The following C11orf65 variants were observed in gnomAD, a reference collection of about 807,000 sequenced individuals.
C11orf65 encodes chromosome 11 open reading frame 65, also known as protein MFI.
A neutral mutation model predicts 35.3 loss-of-function variants in C11orf65; 38 were observed. That is an observed-to-expected ratio of 1.08 (90% CI 0.83 to 1.41). The LOEUF is 1.41. Ranked by LOEUF, C11orf65 falls within the 40% of genes most tolerant of loss-of-function variation. C11orf65 has a pLI of 0.00. For synonymous variants in C11orf65, 105 were observed against 114.4 expected, an observed-to-expected ratio of 0.92 and a Z score of 0.53; for missense variants, 370 against 367.1, an observed-to-expected ratio of 1.01 and a Z score of -0.06.
intron 6 of C11orf65, among the ~76,000 whole-genome samples, chr11:108,320,764 C>T (rs1394621583): frequency 1.3e-5 from 2 of 152,160 alleles, no homozygotes; most frequent in Non-Finnish European, 2.9e-5. Context: ...GCCCCTCCTC[C>T]TCACACATTT....
downstream of C11orf65, among the ~76,000 whole-genome samples, chr11:108,382,355 C>A (rs1248935096): frequency 1.3e-5 from 2 of 151,298 alleles, no homozygotes; most frequent in South Asian, 2.1e-4. Context: ...AAATCGTAGG[C>A]CCCAAAAAAA....
intron 2 of C11orf65, among the ~76,000 whole-genome samples, chr11:108,437,091 C>T (rs1414799026): frequency 4.1e-4 from 9 of 22,216 alleles, no homozygotes; most frequent in Admixed American, 2.9e-3. Flanking sequence ...GAACCCATTA[C>T]GACAAAAAAA....
chr11:108,313,414 C>T (rs1010490240), intron 6 of C11orf65, among the ~76,000 whole-genome samples: 28 of 152,070 alleles, frequency 1.8e-4, no homozygotes, highest in Non-Finnish European at 3.8e-4. Flanking sequence ...GTCTGCATTT[C>T]CCCCCCTTCC....
At position 108,431,840 on chromosome 11, in the gene C11orf65, TA is replaced by T. The variant is rs1332935474; in HGVS notation, c.82-3del. 8.1e-6 allele frequency: 12 copies of T among 1,474,884 alleles called. No homozygotes were observed. The highest frequency in any genetic ancestry group is 1.1e-5 in the Non-Finnish European group (12 of 1,088,722). The allele number at this position is 1,474,884 out of a possible 1,614,324, so 91.4% of individuals were successfully genotyped here. A position where few individuals can be genotyped will look rare whatever the true frequency, so the allele number is the denominator to read the frequency against. On this transcript the variant is annotated splice_region_variant and splice_polypyrimidine_tract_variant and intron_variant, in intron 2 of 8. Coordinates refer to ENST00000393084, the MANE Select transcript of C11orf65 (RefSeq NM_152587.5). Reference sequence around the variant, plus strand: ...AAAGTGTTGAAATATAGCGACATTCTAAAGGTTCAAACACAAGATTTCATGA... The same window carrying T: ...AAAGTGTTGAAATATAGCGACATTCTAAGGTTCAAACACAAGATTTCATGA...
chr11:108,420,831 T>G (rs1439245870), intron 3 of C11orf65, among the ~76,000 whole-genome samples: 5 of 152,092 alleles, frequency 3.3e-5, no homozygotes, highest in Non-Finnish European at 5.9e-5. Flanking sequence ...CCCTGGCTGG[T>G]GTCAAACTCC....
chr11:108,422,179 C>T (rs2092828535), intron 3 of C11orf65, among the ~76,000 whole-genome samples: 1 of 152,182 alleles, frequency 6.6e-6, no homozygotes, highest in Non-Finnish European at 1.5e-5. Context: ...CCGCCCGACT[C>T]AGCCTCCCAA....
chr11:108,365,791 A>C (rs2091285487), intron 2 of C11orf65: 2 of 422,434 alleles, frequency 4.7e-6, no homozygotes, highest in Non-Finnish European at 8.7e-6. Flanking sequence ...AGGTGAGCGG[A>C]TCACAAGGTC....
downstream of C11orf65, among the ~76,000 whole-genome samples, chr11:108,379,892 A>G (rs1466532379): frequency 6.6e-6 from 1 of 152,132 alleles, no homozygotes; most frequent in Non-Finnish European, 1.5e-5. Flanking sequence ...AAAAAGGGGT[A>G]ATATTTGACA....
chr11:108,416,543 C>T (rs1473364204), intron 3 of C11orf65, among the ~76,000 whole-genome samples: 1 of 151,830 alleles, frequency 6.6e-6, no homozygotes, highest in African/African-American at 2.4e-5. Context: ...ATTAGACGGG[C>T]GTGATGGGGT....
At chr11:108,339,215 T>C (rs1025508215) in intron 2 of C11orf65, among the ~76,000 whole-genome samples, 6 of 152,210 alleles carry the variant, frequency 3.9e-5, no homozygotes, top group African/African-American at 1.4e-4. Context: ...TTACAAAGTA[T>C]ACTGAACAAG....
At chr11:108,353,739 C>T (rs2137281956) in intron 2 of C11orf65, 3 of 1,552,374 alleles carry the variant, frequency 1.9e-6, no homozygotes, top group Non-Finnish European at 2.7e-6. Context: ...GTCAAACCTC[C>T]TAACTTCACT....
At chr11:108,385,698 T>G (rs962018226) in intron 8 of C11orf65, among the ~76,000 whole-genome samples, 30 of 151,768 alleles carry the variant, frequency 2.0e-4, no homozygotes, top group Non-Finnish European at 3.5e-4. Context: ...AAAAAAAGAT[T>G]CATATTTTTA....
chr11:108,469,526 C>T (rs918652996), upstream of C11orf65, among the ~76,000 whole-genome samples: 5 of 150,948 alleles, frequency 3.3e-5, no homozygotes, highest in African/African-American at 4.9e-5. Flanking sequence ...TGGCAAAAAC[C>T]GCGATTACTT....
chr11:108,447,138 C>T (rs1435277488), intron 2 of C11orf65, among the ~76,000 whole-genome samples: 3 of 152,048 alleles, frequency 2.0e-5, no homozygotes, highest in Non-Finnish European at 4.4e-5. Context: ...TAAAGCAAGT[C>T]CTGAGTGACC....
chr11:108,338,364 A>G lies in C11orf65; in HGVS notation c.227-3072T>C, dbSNP rs144655429. Among the ~76,000 whole-genome samples, 1,220 of 152,170 alleles carry G rather than the reference A, an allele frequency of 8.0e-3. 8 individuals are homozygous for G. Among genetic ancestry groups the G allele is most frequent in the African/African-American group, 0.025 (1,045 of 41,510 alleles). On this transcript the variant is annotated intron_variant, in intron 2 of 3. Transcript: ENST00000524755. ...GAGACTTCTTCTCAAAAAAGGAAAA[A>G]TGTCTAGAGGCCAGATGCAGTGGCT... is the stretch of plus-strand genomic sequence containing the variant.
At chr11:108,388,328 A>C (rs1393850344) in intron 7 of C11orf65, among the ~76,000 whole-genome samples, 1 of 152,210 alleles carries the variant, frequency 6.6e-6, no homozygotes, top group African/African-American at 2.4e-5. Flanking sequence ...AAGAAATCTA[A>C]GTTTTACAGA....
chr11:108,343,405 G>C (rs764846903), intron 2 of C11orf65: 20 of 1,611,668 alleles, frequency 1.2e-5, no homozygotes, highest in Non-Finnish European at 1.7e-5. Flanking sequence ...GTTATTGTAA[G>C]ATTATTTAAT....
rs559108158 is a variant in C11orf65, at chr11:108,316,882, C to T, written c.641-7811G>A. ...CAGAGGTTGCAGTGAGCCGAGATCG[C>T]GCCACTGCACTCCAGCCTGGGCAAT... On this transcript the variant is annotated intron_variant, in intron 6 of 6. Transcript: ENST00000525729. Among the ~76,000 whole-genome samples the T allele has an allele frequency of 7.6e-4, 115 of 151,604 alleles. 1 individual carries two copies. Among genetic ancestry groups the T allele is most frequent in the African/African-American group, 1.3e-3 (54 of 41,286 alleles).
chr11:108,455,815 CAAAAAAA>C lies in C11orf65; in HGVS notation c.81+5657_81+5663del, dbSNP rs112701513. ...TGGGTGACAGAGCAAGACTCCACCTCAAAAAAAAAAAAAAAAAAAAAAAAACATGGAG... is the reference window on the plus strand; with the variant it reads ...TGGGTGACAGAGCAAGACTCCACCTCAAAAAAAAAAAAAAAAAACATGGAG... On this transcript the variant is annotated intron_variant, in intron 2 of 8. Coordinates refer to ENST00000393084, the MANE Select transcript of C11orf65 (RefSeq NM_152587.5). Among the ~76,000 whole-genome samples, 232 of 56,180 alleles carry C rather than the reference CAAAAAAA, an allele frequency of 4.1e-3. 2 individuals are homozygous for C. Among genetic ancestry groups the C allele is most frequent in the African/African-American group, 0.015 (222 of 14,600 alleles). 36.9% of individuals were successfully genotyped at this position (56,180 alleles called of 152,430 possible).
Sources: gnomAD v4.1 joint callset for allele counts (sites outside exome capture counted in the v4.1 genomes callset) on GRCh38, gnomAD v4.1.1 for gene constraint, MANE v1.5 for transcripts, NCBI Gene and HGNC (gene_info 2026-07-23, HGNC 2026-07-21) for gene names.